The following EFNA5 variants were observed in gnomAD, a reference collection of about 807,000 sequenced individuals.
EFNA5 encodes ephrin A5.
A neutral mutation model predicts 22.9 loss-of-function variants in EFNA5; 5 were observed. The ratio of observed to expected loss-of-function variants is 0.22; its 90% CI spans 0.11 to 0.46. The LOEUF (loss-of-function observed/expected upper bound fraction) is 0.46, where lower values mean the gene tolerates loss of function less well. Among genes scored for constraint, EFNA5 ranks in the 20% least tolerant of loss-of-function variants. The probability of loss-of-function intolerance (pLI) is 0.99; values close to 1 mark genes in which losing one functional copy is unlikely to be tolerated. For synonymous variants in EFNA5, 113 were observed against 112.2 expected, an observed-to-expected ratio of 1.01 and a Z score of -0.04; for missense variants, 237 against 293.3, an observed-to-expected ratio of 0.81 and a Z score of 1.40.
chr5:107,484,659 T>C (rs1380939836), intron 1 of EFNA5, among the ~76,000 whole-genome samples: 8 of 152,190 alleles, frequency 5.3e-5, no homozygotes, highest in Non-Finnish European at 4.4e-5. Flanking sequence ...TCTGCCACTT[T>C]CCAGCTGTAG....
In EFNA5 at chr5:107,606,534, G is replaced by A. The variant is rs530348331; in HGVS notation, c.125+63955C>T. Among the ~76,000 whole-genome samples, 279 of 115,246 alleles carry A rather than the reference G, an allele frequency of 2.4e-3. 1 individual carries two copies. Among genetic ancestry groups the A allele is most frequent in the South Asian group, 5.0e-3 (16 of 3,182 alleles). The allele number at this position is 115,246 out of a possible 152,430, so 75.6% of individuals were successfully genotyped here. ...CCAAATCATAGACACACACTTGCAC[G>A]TACAACACACACACACACACACACA... On this transcript the variant is annotated intron_variant, in intron 1 of 4. Transcript: ENST00000333274.
Position 107,667,684 on chromosome 5 carries a change from T to TA in EFNA5, c.125+2804dup, listed in dbSNP as rs564616509. On this transcript the variant is annotated intron_variant, in intron 1 of 4. Transcript: ENST00000333274. ...AACATATTATATTCTGAGGGAAAAA[T>TA]AAAAAAAATTATTTAAGTTGCAATT... Among the ~76,000 whole-genome samples the TA allele has an allele frequency of 7.2e-5, 11 of 152,064 alleles. 2 individuals are homozygous for TA. The highest frequency in any genetic ancestry group is 2.6e-4 in the African/African-American group (11 of 41,512).
intron 1 of EFNA5, among the ~76,000 whole-genome samples, chr5:107,483,958 A>G (rs1041763642): frequency 2.0e-5 from 3 of 152,194 alleles, no homozygotes; most frequent in Non-Finnish European, 4.4e-5. Flanking sequence ...CCTACCTCAG[A>G]CTTTTATTTA....
At chr5:107,552,153 A>G (rs1748313947) in intron 1 of EFNA5, among the ~76,000 whole-genome samples, 1 of 152,226 alleles carries the variant, frequency 6.6e-6, no homozygotes, top group Admixed American at 6.5e-5. Context: ...CAACACTGCA[A>G]AACATGACCA....
intron 1 of EFNA5, among the ~76,000 whole-genome samples, chr5:107,668,649 G>A (rs1751121244): frequency 6.6e-6 from 1 of 152,060 alleles, no homozygotes; most frequent in Non-Finnish European, 1.5e-5. Flanking sequence ...CAAATTCAAA[G>A]AAACTATTTC....
At chr5:107,512,878 G>T (rs748971584) in intron 1 of EFNA5, among the ~76,000 whole-genome samples, 11 of 152,200 alleles carry the variant, frequency 7.2e-5, no homozygotes, top group Admixed American at 2.6e-4. Flanking sequence ...TAAAATTGCT[G>T]TGGAGAGAAT....
At chr5:107,558,461 T>C (rs1361097719) in intron 1 of EFNA5, among the ~76,000 whole-genome samples, 1 of 152,210 alleles carries the variant, frequency 6.6e-6, no homozygotes, top group Non-Finnish European at 1.5e-5. Context: ...CATTATTATA[T>C]TATTACAGAG....
chr5:107,415,391 A>T (rs1413666358), intron 2 of EFNA5, among the ~76,000 whole-genome samples: 1 of 152,208 alleles, frequency 6.6e-6, no homozygotes, highest in Non-Finnish European at 1.5e-5. Context: ...GGTGCTTCAT[A>T]ATCTGACCCA....
chr5:107,569,928 G>A (rs1748759710), intron 1 of EFNA5, among the ~76,000 whole-genome samples: 1 of 150,686 alleles, frequency 6.6e-6, no homozygotes, highest in South Asian at 2.1e-4. Context: ...TCCTAAGCAA[G>A]TGTACACCAC....
At chr5:107,495,466 C>T (rs1402147340) in intron 1 of EFNA5, among the ~76,000 whole-genome samples, 1 of 152,228 alleles carries the variant, frequency 6.6e-6, no homozygotes, top group Non-Finnish European at 1.5e-5. Flanking sequence ...CGAGGGTCCG[C>T]GGCCTCATTC....
At chr5:107,393,354 A>G (rs1014306362) in intron 2 of EFNA5, among the ~76,000 whole-genome samples, 1 of 152,212 alleles carries the variant, frequency 6.6e-6, no homozygotes, top group Non-Finnish European at 1.5e-5. Flanking sequence ...ATGAAGAACC[A>G]AAGTTTTAGC....
chr5:107,605,141 G>C (rs1015612536), intron 1 of EFNA5, among the ~76,000 whole-genome samples: 2 of 151,796 alleles, frequency 1.3e-5, no homozygotes, highest in African/African-American at 4.8e-5. Context: ...TTAAAAGCTC[G>C]GGGGTGGGGA....
At chr5:107,383,147 G>A (rs1747516282) in intron 4 of EFNA5, among the ~76,000 whole-genome samples, 1 of 152,130 alleles carries the variant, frequency 6.6e-6, no homozygotes, top group South Asian at 2.1e-4. Flanking sequence ...GACCTGGAGT[G>A]CTCTTACCAT....
At chr5:107,578,851 A>G (rs537599397) in intron 1 of EFNA5, among the ~76,000 whole-genome samples, 3 of 152,384 alleles carry the variant, frequency 2.0e-5, no homozygotes, top group East Asian at 1.9e-4. Flanking sequence ...GCTGGCTTCT[A>G]CGCTGGACAT....
At position 107,378,899 on chromosome 5, in the gene EFNA5, G is replaced by C. The variant is rs909597487; in HGVS notation, c.*2356C>G. 1.3e-5 allele frequency: 2 copies of C among 151,904 alleles called. No individual in the cohort carries two copies. The highest frequency in any genetic ancestry group is 4.8e-5 in the African/African-American group (2 of 41,326). The allele number at this position is 151,904 out of a possible 1,614,324, so 9.4% of individuals were successfully genotyped here. On this transcript the variant is annotated 3_prime_UTR_variant, in exon 5 of 5. Transcript: ENST00000333274. ...TGATTTCCTTGTGGTTATAGAACAT[G>C]CTGTATTATTTTGGTTCTATTGATC...
rs1747367030 is a variant in EFNA5 at position 107,511,347 on chromosome 5, T to A, written c.126-83838A>T. 2.6e-5 allele frequency among the ~76,000 whole-genome samples: 4 copies of A among 152,140 alleles called. 1 individual carries two copies. The South Asian group carries it at 8.3e-4, about 32-fold the overall frequency. On this transcript the variant is annotated intron_variant, in intron 1 of 4. Coordinates refer to ENST00000333274, the MANE Select transcript of EFNA5 (RefSeq NM_001962.3). ...GGCACCATAGTTGCATTTCTAAATA[T>A]AAAATCCCCACGAAGTTTGAAAAGA...
At chr5:107,537,518 G>A (rs1324830608) in intron 1 of EFNA5, among the ~76,000 whole-genome samples, 1 of 152,156 alleles carries the variant, frequency 6.6e-6, no homozygotes, top group Admixed American at 6.5e-5. Context: ...AAAATCCCTT[G>A]AACACAGGAG....
chr5:107,523,927 T>C (rs1009490425), intron 1 of EFNA5, among the ~76,000 whole-genome samples: 1 of 152,212 alleles, frequency 6.6e-6, no homozygotes, highest in Non-Finnish European at 1.5e-5. Context: ...TCTATGCTAA[T>C]AGAAAATAAT....
At chr5:107,412,584 T>C (rs886093226) in intron 2 of EFNA5, among the ~76,000 whole-genome samples, 4 of 152,160 alleles carry the variant, frequency 2.6e-5, no homozygotes, top group Admixed American at 6.5e-5. Flanking sequence ...GTTTCTCAGG[T>C]ATGAGACTAT....
Sources: allele counts gnomAD v4.1 joint callset (sites outside exome capture counted in the v4.1 genomes callset), GRCh38; gene constraint gnomAD v4.1.1; transcripts MANE v1.5; gene names NCBI Gene and HGNC (gene_info 2026-07-23, HGNC 2026-07-21).